CERS6: variants seen among roughly 807,000 people sequenced by gnomAD.
CERS6 encodes the protein LAG1 homolog, ceramide synthase 6.
A neutral mutation model predicts 56.8 loss-of-function variants in CERS6; 26 were observed. That is an observed-to-expected ratio of 0.46 (90% CI 0.34 to 0.63). CERS6 has a LOEUF of 0.63. Ranked by LOEUF, CERS6 falls within the 30% of genes least tolerant of loss-of-function variation. CERS6 has a pLI of 0.01. For synonymous variants in CERS6, 164 were observed against 173.3 expected (o/e 0.95, Z 0.42); for missense variants, 415 against 467.5 (o/e 0.89, Z 1.04).
At chr2:168,616,912 C>T (rs1037572996) in intron 3 of CERS6, among the ~76,000 whole-genome samples, 5 of 152,142 alleles carry the variant, frequency 3.3e-5, no homozygotes, top group African/African-American at 1.2e-4. Context: ...CAACATGCTA[C>T]CCAACAACCA....
chr2:168,691,893 AG>A (rs1364091824), intron 5 of CERS6, among the ~76,000 whole-genome samples: 2 of 152,134 alleles, frequency 1.3e-5, no homozygotes, highest in African/African-American at 4.8e-5. Flanking sequence ...AAGCAACTTC[AG>A]GTTTTTTGTT....
chr2:168,671,063 C>T (rs773773354), intron 4 of CERS6, among the ~76,000 whole-genome samples: 2 of 147,814 alleles, frequency 1.4e-5, no homozygotes, highest in Admixed American at 7.0e-5. Flanking sequence ...TGGGTTCAAG[C>T]GATTCTCCTG....
At chr2:168,763,237 TCTC>T (rs1160537764) in intron 8 of CERS6, among the ~76,000 whole-genome samples, 12 of 111,676 alleles carry the variant, frequency 1.1e-4, no homozygotes, top group South Asian at 7.6e-4. Flanking sequence ...TCTCTCTCTC[TCTC>T]TTTTTTTTTT....
intron 8 of CERS6, among the ~76,000 whole-genome samples, chr2:168,741,373 T>TA (rs200311434): frequency 5.6e-4 from 83 of 147,104 alleles, no homozygotes; most frequent in South Asian, 1.1e-3. Context: ...TTTGGAGAAT[T>TA]AAAAAAAAAA....
chr2:168,750,877 G>C (rs561977232), intron 8 of CERS6, among the ~76,000 whole-genome samples: 2 of 152,270 alleles, frequency 1.3e-5, no homozygotes, highest in Non-Finnish European at 2.9e-5. Flanking sequence ...CAAATAGATA[G>C]TAAGTTCTTT....
chr2:168,509,493 C>T (rs17808106), intron 1 of CERS6, among the ~76,000 whole-genome samples: 38,889 of 151,986 alleles, frequency 0.26, 6,020 homozygotes, highest in Non-Finnish European at 0.34. Context: ...GGAAGGATAG[C>T]GGTGGCCAGA....
At chr2:168,572,760 C>T (rs562993353) in intron 3 of CERS6, among the ~76,000 whole-genome samples, 4 of 152,110 alleles carry the variant, frequency 2.6e-5, no homozygotes, top group East Asian at 3.9e-4. Flanking sequence ...GGAGACTTGC[C>T]GTGTTCGCTG....
chr2:168,549,127 C>G (rs1283065373), intron 2 of CERS6, among the ~76,000 whole-genome samples: 1 of 151,872 alleles, frequency 6.6e-6, no homozygotes, highest in Non-Finnish European at 1.5e-5. Flanking sequence ...GTGAACTACT[C>G]TAAGTACATT....
chr2:168,459,359 C>T (rs1257129869), intron 1 of CERS6, among the ~76,000 whole-genome samples: 1 of 152,180 alleles, frequency 6.6e-6, no homozygotes, highest in African/African-American at 2.4e-5. Context: ...TTAAACAGTC[C>T]TTTCTTTTTA....
chr2:168,682,935 T>C (rs1323202099), intron 4 of CERS6, among the ~76,000 whole-genome samples: 1 of 152,238 alleles, frequency 6.6e-6, no homozygotes, highest in Non-Finnish European at 1.5e-5. Context: ...AACCCTGTAT[T>C]ATTGAACAAT....
chr2:168,512,693 A>T (rs11884513), intron 1 of CERS6, among the ~76,000 whole-genome samples: 1 of 140,540 alleles, frequency 7.1e-6, no homozygotes, highest in Non-Finnish European at 1.6e-5. Flanking sequence ...TTAAAGACAG[A>T]GTCTCGCTCT....
intron 8 of CERS6, among the ~76,000 whole-genome samples, chr2:168,749,914 A>G (rs1684213043): frequency 6.6e-6 from 1 of 152,272 alleles, no homozygotes; most frequent in South Asian, 2.1e-4. Context: ...GTAGCAGCTC[A>G]GGGCAGTTTT....
chr2:168,484,158 CTTTTTT>C (rs1558966875), intron 1 of CERS6, among the ~76,000 whole-genome samples: 1 of 73,130 alleles, frequency 1.4e-5, no homozygotes, highest in Non-Finnish European at 3.1e-5. Flanking sequence ...TTTTCTTTTT[CTTTTTT>C]CTGTTTTTTT....
intron 1 of CERS6, among the ~76,000 whole-genome samples, chr2:168,489,111 T>G (rs1558969030): frequency 6.6e-6 from 1 of 152,170 alleles, no homozygotes; most frequent in African/African-American, 2.4e-5. Context: ...CTTTTAATTT[T>G]CCTCCATCTA....
chr2:168,545,168 C>T (rs962408497), intron 1 of CERS6, among the ~76,000 whole-genome samples: 2 of 151,938 alleles, frequency 1.3e-5, no homozygotes, highest in African/African-American at 4.8e-5. Context: ...TTTGTAGAAA[C>T]ACATACATGT....
At chr2:168,593,724 C>G (rs2105405043) in intron 3 of CERS6, among the ~76,000 whole-genome samples, 1 of 152,240 alleles carries the variant, frequency 6.6e-6, no homozygotes, top group Middle Eastern at 3.4e-3. Context: ...TATAAAACGT[C>G]TTAACTTTTT....
Position 168,758,509 on chromosome 2 carries a change from G to A in CERS6, c.846-7083G>A, listed in dbSNP as rs375584479. Among the ~76,000 whole-genome samples, 20 of 152,250 alleles carry A rather than the reference G, an allele frequency of 1.3e-4. No homozygotes were observed. The East Asian group carries it at 3.3e-3, about 25-fold the overall frequency. The stretch of plus-strand genomic sequence containing the variant: ...TTGGTTAAGGTAGGGGAGGAGCGGC[G>A]GAGGCAAATTTGCGGTTACTTGACA... On this transcript the variant is annotated intron_variant, in intron 8 of 9. Transcript: ENST00000305747.
intron 1 of CERS6, among the ~76,000 whole-genome samples, chr2:168,538,259 A>T (rs1574051199): frequency 6.7e-6 from 1 of 148,500 alleles, no homozygotes; most frequent in African/African-American, 2.4e-5. Context: ...AAAAAAAAAA[A>T]GTCCCTAAAA....
chr2:168,515,508 A>G (rs1694869898), intron 1 of CERS6, among the ~76,000 whole-genome samples: 1 of 152,218 alleles, frequency 6.6e-6, no homozygotes, highest in South Asian at 2.1e-4. Context: ...ATTGATGTGG[A>G]AAGTGGGGAC....
Sources: allele counts gnomAD v4.1 joint callset (sites outside exome capture counted in the v4.1 genomes callset), GRCh38; gene constraint gnomAD v4.1.1; transcripts MANE v1.5; gene names NCBI Gene and HGNC (gene_info 2026-07-23, HGNC 2026-07-21).